RYR3: variants seen among roughly 807,000 people sequenced by gnomAD.
RYR3 encodes the protein brain ryanodine receptor-calcium release channel.
A neutral mutation model predicts 584.3 loss-of-function variants in RYR3; 207 were observed. The observed-to-expected ratio is 0.35, with a 90% CI of 0.32 to 0.40. The LOEUF is 0.40. RYR3 is among the 10% of genes least tolerant of loss of function. The pLI is 1.00. For missense variants in RYR3, 5,616 were observed against 6,089.2 expected, an observed-to-expected ratio of 0.92 and a Z score of 2.59; for synonymous variants, 2,416 against 2,248.5, an observed-to-expected ratio of 1.07 and a Z score of -2.11.
At chr15:33,726,963 C>A (rs564596938) in intron 46 of RYR3, among the ~76,000 whole-genome samples, 1 of 152,358 alleles carries the variant, frequency 6.6e-6, no homozygotes, top group South Asian at 2.1e-4. Context: ...TGTGTCAGGA[C>A]AATTGTACCC....
chr15:33,339,135 A>T (rs1201218969), intron 1 of RYR3, among the ~76,000 whole-genome samples: 4 of 152,232 alleles, frequency 2.6e-5, no homozygotes, highest in Non-Finnish European at 5.9e-5. Context: ...ACATTTTTCC[A>T]GTAGACATTA....
At chr15:33,378,340 G>A (rs2040904826) in intron 1 of RYR3, among the ~76,000 whole-genome samples, 1 of 152,136 alleles carries the variant, frequency 6.6e-6, no homozygotes, top group Non-Finnish European at 1.5e-5. Context: ...GCCTGTCCCA[G>A]CCTCCTATCA....
At chr15:33,624,120 A>G (rs1046540556) in intron 20 of RYR3, 97 bp downstream of exon 20, 63 of 815,576 alleles carry the variant, frequency 7.7e-5, no homozygotes, top group African/African-American at 1.7e-4. Flanking sequence ...CTTAATATAC[A>G]TGCTCCAGAA....
intron 62 of RYR3, among the ~76,000 whole-genome samples, chr15:33,769,957 T>A (rs62012646): frequency 0.18 from 26,561 of 151,572 alleles, 2,554 homozygotes; most frequent in South Asian, 0.28. Context: ...TTAAAAAATA[T>A]ATATAAATAA....
In RYR3 at chr15:33,337,934, A is replaced by ATTTTTTTT. The variant is rs199625940; in HGVS notation, c.51+26859_51+26866dup. The stretch of plus-strand genomic sequence containing the variant: ...AGACAAGTCTCAATCATTTTAGGAG[A>ATTTTTTTT]TTTTTTTTTTTTTTTTTTTTTTTTT... On this transcript the variant is annotated intron_variant, in intron 1 of 103. Coordinates refer to ENST00000634891, the MANE Select transcript of RYR3 (RefSeq NM_001036.6). Among the ~76,000 whole-genome samples, 593 of 113,510 alleles carry ATTTTTTTT rather than the reference A, an allele frequency of 5.2e-3. 44 individuals carry two copies. The highest frequency in any genetic ancestry group is 6.9e-3 in the Non-Finnish European group (398 of 57,672). 74.5% of individuals were successfully genotyped at this position (113,510 alleles called of 152,430 possible). A position where few individuals can be genotyped will look rare whatever the true frequency, so the allele number is the denominator to read the frequency against.
intron 1 of RYR3, among the ~76,000 whole-genome samples, chr15:33,415,833 G>A (rs2043769029): frequency 6.6e-6 from 1 of 152,142 alleles, no homozygotes; most frequent in Non-Finnish European, 1.5e-5. Flanking sequence ...TGCCCAATAG[G>A]TAGTTTTTCA....
At chr15:33,409,597 A>G (rs2043264077) in intron 1 of RYR3, among the ~76,000 whole-genome samples, 1 of 152,134 alleles carries the variant, frequency 6.6e-6, no homozygotes, top group Non-Finnish European at 1.5e-5. Context: ...TCTGGTGTCC[A>G]GTGTCTTGAA....
chr15:33,406,633 CTTAG>C (rs2043038374), intron 1 of RYR3, among the ~76,000 whole-genome samples: 1 of 152,192 alleles, frequency 6.6e-6, no homozygotes, highest in Admixed American at 6.5e-5. Flanking sequence ...GAGGAAGCCA[CTTAG>C]TTGGTTTTGG....
At chr15:33,568,233 A>G (rs565025694) in intron 12 of RYR3, among the ~76,000 whole-genome samples, 15 of 152,328 alleles carry the variant, frequency 9.8e-5, no homozygotes, top group South Asian at 4.1e-4. Context: ...GAAACTGATC[A>G]TGACAAAGGT....
At chr15:33,594,618 T>C (rs1030327585) in intron 16 of RYR3, among the ~76,000 whole-genome samples, 1 of 152,292 alleles carries the variant, frequency 6.6e-6, no homozygotes, top group Non-Finnish European at 1.5e-5. Flanking sequence ...GTTCTGAAAG[T>C]TTTTTCCTTT....
intron 6 of RYR3, among the ~76,000 whole-genome samples, chr15:33,540,071 G>A (rs117600640): frequency 4.0e-4 from 61 of 152,128 alleles, no homozygotes; most frequent in Non-Finnish European, 2.9e-4. Flanking sequence ...CATGGTGTCC[G>A]GAACTAACCT....
At position 33,780,286 on chromosome 15, in the gene RYR3, T is replaced by C; in HGVS notation, c.9213T>C (p.Leu3071=). 1 of 1,613,862 alleles carries C rather than the reference T, an allele frequency of 6.2e-7. No homozygotes were observed. Among genetic ancestry groups the C allele is most frequent in the African/African-American group, 1.3e-5 (1 of 75,024 alleles). ...CAGTGGCATTCCTGGAGCCCACCCT[T>C]AATCGCTACAATCCACTCTCGGTCT... The part of the protein sequence containing the change: ...AIPVAFLEPT[L]NRYNPLSVFN... The change falls in exon 65 of 104, where the codon CTT becomes CTC. Residue 3071 remains leucine, a synonymous_variant. Transcript: ENST00000634891.
At position 33,812,932 on chromosome 15, in the gene RYR3, A is replaced by C. The variant is rs373622365; in HGVS notation, c.10327A>C (p.Asn3443His). Residue 3443 changes from asparagine (N) to histidine (H), a missense_variant, in exon 73 of 104, where the codon AAT becomes CAT. Around this residue, in one of 9 missense-constraint regions of RYR3, gnomAD observed 954 missense variants for 1,132.2 expected, o/e 0.84. Transcript: ENST00000634891. ...KDVLKSEEPF[N>H]PEKTVERVQR... Reference sequence around the variant, plus strand: ...TGTTCTGAAGAGTGAAGAACCTTTCAATCCGGAAAAGACAGTGGAGCGTGT... The same window carrying C: ...TGTTCTGAAGAGTGAAGAACCTTTCCATCCGGAAAAGACAGTGGAGCGTGT... 1 of 1,613,816 alleles carries C rather than the reference A, an allele frequency of 6.2e-7. No individual in the cohort carries two copies. Among genetic ancestry groups the C allele is most frequent in the African/African-American group, 1.3e-5 (1 of 74,936 alleles).
intron 2 of RYR3, among the ~76,000 whole-genome samples, chr15:33,487,674 G>A (rs2050576876): frequency 6.6e-6 from 1 of 152,174 alleles, no homozygotes; most frequent in African/African-American, 2.4e-5. Flanking sequence ...TGAGAAACTA[G>A]CCTACATCAG....
intron 64 of RYR3, among the ~76,000 whole-genome samples, chr15:33,774,016 T>G (rs1474553192): frequency 1.3e-5 from 2 of 152,232 alleles, no homozygotes; most frequent in African/African-American, 2.4e-5. Context: ...TTAATGAGTT[T>G]CTGTGTGCTA....
intron 1 of RYR3, among the ~76,000 whole-genome samples, chr15:33,362,437 GCATCAGCAT>G (rs1169395764): frequency 9.9e-5 from 15 of 152,056 alleles, no homozygotes; most frequent in African/African-American, 1.5e-4. Context: ...AGCAGCAGCA[GCATCAGCAT>G]CATCAGCATC....
At chr15:33,349,935 T>A (rs1162036668) in intron 1 of RYR3, among the ~76,000 whole-genome samples, 2 of 152,090 alleles carry the variant, frequency 1.3e-5, no homozygotes, top group Non-Finnish European at 2.9e-5. Context: ...TATCATTTTT[T>A]ATGGCTGCAT....
intron 62 of RYR3, among the ~76,000 whole-genome samples, 178 bp downstream of exon 62, chr15:33,769,350 C>T (rs2073378884): frequency 6.6e-6 from 1 of 152,182 alleles, no homozygotes; most frequent in Admixed American, 6.5e-5. Flanking sequence ...ATAACGAGAG[C>T]CACTGCCATG....
intron 38 of RYR3, among the ~76,000 whole-genome samples, chr15:33,685,819 G>A (rs535640859): frequency 9.9e-5 from 15 of 152,280 alleles, no homozygotes; most frequent in African/African-American, 3.4e-4. Flanking sequence ...CATGGAAACC[G>A]AACAATCTGC....
Sources: gnomAD v4.1 joint callset for allele counts (sites outside exome capture counted in the v4.1 genomes callset) on GRCh38, gnomAD v4.1.1 for gene constraint, gnomAD v4.1.1 regional missense constraint, MANE v1.5 for transcripts, NCBI Gene and HGNC (gene_info 2026-07-23, HGNC 2026-07-21) for gene names.